LANCL2: variants seen among roughly 807,000 people sequenced by gnomAD.
The protein encoded by LANCL2 is LanC like glutathione S-transferase 2, also known as lanC-like protein 2.
A neutral mutation model predicts 56.9 loss-of-function variants in LANCL2; 33 were observed. The observed-to-expected ratio is 0.58, with a 90% CI of 0.44 to 0.78. The LOEUF (loss-of-function observed/expected upper bound fraction) is 0.78, where lower values mean the gene tolerates loss of function less well. Ranked by LOEUF, LANCL2 falls within the 30% of genes least tolerant of loss-of-function variation. The pLI, the probability that LANCL2 is intolerant of heterozygous loss-of-function variation, is 0.00. For missense variants in LANCL2, 562 were observed against 580.2 expected, an observed-to-expected ratio of 0.97 and a Z score of 0.32; for synonymous variants, 233 against 228.2, an observed-to-expected ratio of 1.02 and a Z score of -0.19.
At chr7:55,406,843 G>T (rs945233743) in intron 5 of LANCL2, among the ~76,000 whole-genome samples, 11 of 152,198 alleles carry the variant, frequency 7.2e-5, no homozygotes, top group Admixed American at 6.5e-5. Context: ...TGAAGCTAGG[G>T]GACATCTGGA....
intron 1 of LANCL2, among the ~76,000 whole-genome samples, chr7:55,373,484 G>GGGGTCCTGCCATGTTGCCCAGGC (rs1789968549): frequency 6.6e-6 from 1 of 151,666 alleles, no homozygotes; most frequent in Non-Finnish European, 1.5e-5. Context: ...GTGTGGAGAT[G>GGGGTCCTGCCATGTTGCCCAGGC]GGGTCCTGCC....
At chr7:55,399,874 T>A in intron 3 of LANCL2, 83 bp from the exon 4 acceptor site, 1 of 1,066,682 alleles carries the variant, frequency 9.4e-7, no homozygotes, top group Non-Finnish European at 1.3e-6. Flanking sequence ...TAATAGGTAA[T>A]TCCTAAAGCA....
intron 3 of LANCL2, among the ~76,000 whole-genome samples, chr7:55,399,295 A>AG (rs1177748609): frequency 6.6e-6 from 1 of 151,284 alleles, no homozygotes; most frequent in East Asian, 1.9e-4. Context: ...AAGAAAAAAA[A>AG]AAAGACAGAA....
rs868673326 is a variant in LANCL2 at position 55,392,332 on chromosome 7, T to C, written c.322+422T>C. 5.3e-3 allele frequency among the ~76,000 whole-genome samples: 693 copies of C among 129,724 alleles called. 6 individuals carry two copies. Among genetic ancestry groups the C allele is most frequent in the Middle Eastern group, 0.021 (6 of 282 alleles). 85.1% of individuals were successfully genotyped at this position (129,724 alleles called of 152,430 possible). ...GTAAAGATTTTATATCTTTTTTTTT[T>C]CTTTTTTTTTTTTTGAGACGGAGTC... On this transcript the variant is annotated intron_variant, in intron 2 of 8. Transcript: ENST00000254770.
intron 7 of LANCL2, among the ~76,000 whole-genome samples, chr7:55,427,116 T>C (rs1790672442): frequency 6.6e-6 from 1 of 152,178 alleles, no homozygotes; most frequent in South Asian, 2.1e-4. Context: ...AGGAAATGTG[T>C]GGCCAAAGGT....
chr7:55,408,838 T>G (rs1157158338), intron 5 of LANCL2, among the ~76,000 whole-genome samples: 1 of 151,180 alleles, frequency 6.6e-6, no homozygotes, highest in Non-Finnish European at 1.5e-5. Context: ...GGGAAATAGC[T>G]GGGTGTAGTG....
chr7:55,382,407 T>C (rs766476319), intron 1 of LANCL2, among the ~76,000 whole-genome samples: 3 of 152,208 alleles, frequency 2.0e-5, no homozygotes, highest in Non-Finnish European at 4.4e-5. Context: ...GTCAGTGTCC[T>C]GTGAGTTCTG....
chr7:55,368,163 G>A (rs1789896484), intron 1 of LANCL2, among the ~76,000 whole-genome samples: 1 of 152,210 alleles, frequency 6.6e-6, no homozygotes, highest in East Asian at 1.9e-4. Context: ...TGGGAAGCAG[G>A]TGAGTTTCAT....
chr7:55,431,161 A>T, intron 8 of LANCL2, 65 bp from the exon 9 acceptor site: 1 of 1,184,800 alleles, frequency 8.4e-7, no homozygotes, highest in Non-Finnish European at 1.2e-6. Flanking sequence ...GGAAATGATT[A>T]AAAGTCACTG....
intron 2 of LANCL2, among the ~76,000 whole-genome samples, chr7:55,394,607 T>C (rs747517682): frequency 2.0e-5 from 3 of 152,142 alleles, no homozygotes; most frequent in African/African-American, 4.8e-5. Context: ...CTTATCCCTT[T>C]AGCAAAACTT....
chr7:55,416,635 T>C (rs571927180), intron 6 of LANCL2, among the ~76,000 whole-genome samples: 1 of 152,208 alleles, frequency 6.6e-6, no homozygotes, highest in East Asian at 1.9e-4. Context: ...TTTTGTCTTT[T>C]TGCTATTTTT....
At chr7:55,429,026 G>T (rs746044368) in intron 8 of LANCL2, among the ~76,000 whole-genome samples, 1 of 152,160 alleles carries the variant, frequency 6.6e-6, no homozygotes, top group Non-Finnish European at 1.5e-5. Flanking sequence ...CCGGATATTC[G>T]TTAGATTTGT....
chr7:55,391,528 C>T (rs1204710551), intron 1 of LANCL2, among the ~76,000 whole-genome samples: 3 of 148,008 alleles, frequency 2.0e-5, no homozygotes, highest in Non-Finnish European at 3.0e-5. Flanking sequence ...TCCATTTTTC[C>T]TTTTTTTTTT....
At chr7:55,409,422 C>T (rs978524955) in intron 5 of LANCL2, among the ~76,000 whole-genome samples, 1 of 152,170 alleles carries the variant, frequency 6.6e-6, no homozygotes, top group African/African-American at 2.4e-5. Context: ...TGATTTCTAA[C>T]GTTGCATTCT....
intron 8 of LANCL2, among the ~76,000 whole-genome samples, chr7:55,428,916 G>A (rs1192949138): frequency 6.6e-6 from 1 of 152,164 alleles, no homozygotes; most frequent in African/African-American, 2.4e-5. Flanking sequence ...GAAAAGAGGA[G>A]CACTGATAGG....
intron 1 of LANCL2, among the ~76,000 whole-genome samples, chr7:55,372,942 A>T (rs1789961294): frequency 6.6e-6 from 1 of 152,208 alleles, no homozygotes; most frequent in Admixed American, 6.5e-5. Flanking sequence ...AAGGGCATGG[A>T]ACTCCTGTTG....
chr7:55,403,047 C>A (rs1298984206), intron 5 of LANCL2, among the ~76,000 whole-genome samples: 24 of 152,074 alleles, frequency 1.6e-4, no homozygotes, highest in Non-Finnish European at 3.2e-4. Flanking sequence ...GGCGGCCGGG[C>A]AGAGGCTGCA....
At chr7:55,390,790 A>G (rs1223376271) in intron 1 of LANCL2, among the ~76,000 whole-genome samples, 1 of 151,928 alleles carries the variant, frequency 6.6e-6, no homozygotes, top group Non-Finnish European at 1.5e-5. Flanking sequence ...AAAAAAAAAA[A>G]TCAGCAAAGG....
chr7:55,427,453 T>C (rs550347055), intron 7 of LANCL2, among the ~76,000 whole-genome samples: 47 of 152,304 alleles, frequency 3.1e-4, no homozygotes, highest in Middle Eastern at 3.4e-3. Context: ...TAGTAATTAA[T>C]GCAAGAAATG....
Sources: gnomAD v4.1 joint callset for allele counts (sites outside exome capture counted in the v4.1 genomes callset) on GRCh38, gnomAD v4.1.1 for gene constraint, MANE v1.5 for transcripts, NCBI Gene and HGNC (gene_info 2026-07-23, HGNC 2026-07-21) for gene names.